SH3GL2: variants seen among roughly 807,000 people sequenced by gnomAD.
SH3GL2 encodes SH3 domain containing GRB2 like 2, endophilin A1.
Under a neutral mutation model 46.0 loss-of-function variants are expected in SH3GL2, and 24 were observed. The observed-to-expected ratio is 0.52, with a 90% CI of 0.38 to 0.73. The LOEUF (loss-of-function observed/expected upper bound fraction) is 0.73, where lower values mean the gene tolerates loss of function less well. Ranked by LOEUF, SH3GL2 falls within the 30% of genes least tolerant of loss-of-function variation. SH3GL2 has a pLI of 0.00. For synonymous variants in SH3GL2, 196 were observed against 147.1 expected, an observed-to-expected ratio of 1.33 and a Z score of -2.40; for missense variants, 413 against 424.2, an observed-to-expected ratio of 0.97 and a Z score of 0.23.
At chr9:17,729,289 C>A (rs1359641252) in intron 1 of SH3GL2, among the ~76,000 whole-genome samples, 2 of 148,834 alleles carry the variant, frequency 1.3e-5, no homozygotes, top group South Asian at 2.1e-4. Flanking sequence ...CTGTTTAAAT[C>A]CTTCGCCCAC....
intron 1 of SH3GL2, among the ~76,000 whole-genome samples, chr9:17,702,546 A>G (rs1312047407): frequency 1.3e-5 from 2 of 152,222 alleles, no homozygotes; most frequent in South Asian, 2.1e-4. Flanking sequence ...CCCAATTTCA[A>G]CCATTTCAAA....
intron 1 of SH3GL2, among the ~76,000 whole-genome samples, chr9:17,659,365 A>G (rs1173303331): frequency 6.6e-6 from 1 of 152,208 alleles, no homozygotes; most frequent in African/African-American, 2.4e-5. Flanking sequence ...GATGGCTGGC[A>G]GAGCCATTCC....
chr9:17,791,260 T>C lies in SH3GL2; in HGVS notation c.654T>C (p.Leu218=). ...DIEQVSQLSA[L]VQAQLEYHKQ... is the part of the protein sequence containing the mutation. ...AACAAGTGAGCCAGCTCTCTGCACT[T>C]GTGCAAGCTCAGCTGGAGTACCACA... The change falls in exon 7 of 9, where the codon CTT becomes CTC. Residue 218 remains leucine (L), a synonymous_variant. Coordinates refer to ENST00000380607, the MANE Select transcript of SH3GL2 (RefSeq NM_003026.5). 1 of 1,613,716 alleles carries C rather than the reference T, an allele frequency of 6.2e-7. No individual in the cohort carries two copies. Among genetic ancestry groups the C allele is most frequent in the Non-Finnish European group, 8.5e-7 (1 of 1,179,678 alleles).
chr9:17,585,142 G>A (rs941906229), intron 1 of SH3GL2, among the ~76,000 whole-genome samples: 3 of 151,914 alleles, frequency 2.0e-5, no homozygotes, highest in Non-Finnish European at 4.4e-5. Flanking sequence ...GCTGCATACA[G>A]AGTCTCAGGG....
chr9:17,583,232 C>CT (rs1185366038), intron 1 of SH3GL2, among the ~76,000 whole-genome samples: 1 of 152,094 alleles, frequency 6.6e-6, no homozygotes, highest in African/African-American at 2.4e-5. Flanking sequence ...ATACTTTCTC[C>CT]TTTTTTAATG....
intron 1 of SH3GL2, among the ~76,000 whole-genome samples, chr9:17,619,735 G>T (rs189057853): frequency 3.5e-4 from 54 of 152,152 alleles, no homozygotes; most frequent in African/African-American, 1.3e-3. Flanking sequence ...ACATTCTTTT[G>T]TTGTTGGGCA....
chr9:17,704,765 A>G (rs2118228048), intron 1 of SH3GL2, among the ~76,000 whole-genome samples: 1 of 152,146 alleles, frequency 6.6e-6, no homozygotes, highest in East Asian at 1.9e-4. Context: ...CCTTCCTTAC[A>G]TCATCTAAAA....
chr9:17,647,671 T>G (rs1432753558), intron 1 of SH3GL2, among the ~76,000 whole-genome samples: 1 of 152,304 alleles, frequency 6.6e-6, no homozygotes, highest in Non-Finnish European at 1.5e-5. Context: ...TGGTAGTAAT[T>G]ATTATGGCCA....
intron 1 of SH3GL2, among the ~76,000 whole-genome samples, chr9:17,685,478 A>G (rs1489973520): frequency 6.6e-6 from 1 of 152,124 alleles, no homozygotes; most frequent in Non-Finnish European, 1.5e-5. Flanking sequence ...ATAACTGGAT[A>G]CTATTGCCTA....
At chr9:17,756,648 C>T (rs1238679046) in intron 2 of SH3GL2, among the ~76,000 whole-genome samples, 1 of 152,046 alleles carries the variant, frequency 6.6e-6, no homozygotes, top group Non-Finnish European at 1.5e-5. Flanking sequence ...CTACAAAGGA[C>T]ATGAACTCAT....
At chr9:17,791,846 T>A (rs1588341288) in intron 7 of SH3GL2, among the ~76,000 whole-genome samples, 1 of 152,104 alleles carries the variant, frequency 6.6e-6, no homozygotes, top group Admixed American at 6.5e-5. Context: ...TGAATGGCGG[T>A]CAAGTCCTCT....
intron 3 of SH3GL2, among the ~76,000 whole-genome samples, chr9:17,778,055 T>C (rs551200522): frequency 2.6e-5 from 4 of 152,226 alleles, no homozygotes; most frequent in South Asian, 4.2e-4. Context: ...GTATACCTCT[T>C]GGTTAACATA....
At chr9:17,760,682 GATGC>G (rs1195960056) in intron 2 of SH3GL2, among the ~76,000 whole-genome samples, 2 of 152,074 alleles carry the variant, frequency 1.3e-5, no homozygotes, top group Non-Finnish European at 2.9e-5. Context: ...TGAATAGGAG[GATGC>G]ATTTATTCTC....
chr9:17,618,386 C>T (rs1819055042), intron 1 of SH3GL2, among the ~76,000 whole-genome samples: 1 of 152,172 alleles, frequency 6.6e-6, no homozygotes, highest in African/African-American at 2.4e-5. Flanking sequence ...TTTCTTCATA[C>T]ATGGAGAGGA....
chr9:17,654,869 CAT>C (rs2134673219), intron 1 of SH3GL2, among the ~76,000 whole-genome samples: 1 of 152,218 alleles, frequency 6.6e-6, no homozygotes, highest in East Asian at 1.9e-4. Flanking sequence ...CATCTGGTAA[CAT>C]GTAGACATTT....
Position 17,795,759 on chromosome 9 carries a change from G to C in SH3GL2, c.*16G>C, listed in dbSNP as rs368037468. The C allele has an allele frequency of 1.4e-5, 22 of 1,603,812 alleles. No homozygotes were observed. Among genetic ancestry groups the C allele is most frequent in the Non-Finnish European group, 1.9e-5 (22 of 1,171,922 alleles). On this transcript the variant is annotated 3_prime_UTR_variant, in exon 9 of 9. Transcript: ENST00000380607. The stretch of plus-strand genomic sequence containing the variant: ...GCCCCATTAGGATGTTATGCTGGCT[G>C]GCTCGCCTCCTCTTGACCCAGATAG...
chr9:17,752,842 C>G (rs978549647), intron 2 of SH3GL2, among the ~76,000 whole-genome samples: 1 of 152,058 alleles, frequency 6.6e-6, no homozygotes, highest in Non-Finnish European at 1.5e-5. Flanking sequence ...TTATTTTTCC[C>G]GATTGTCTCC....
intron 1 of SH3GL2, among the ~76,000 whole-genome samples, chr9:17,696,489 C>T (rs539245336): frequency 1.3e-5 from 2 of 152,268 alleles, no homozygotes; most frequent in East Asian, 3.9e-4. Flanking sequence ...TTAATTGACT[C>T]ACAGTTCCAC....
intron 1 of SH3GL2, among the ~76,000 whole-genome samples, chr9:17,602,920 C>A (rs1818696695): frequency 6.6e-6 from 1 of 152,200 alleles, no homozygotes. Context: ...TTAAAATCTT[C>A]CTCATTGTGG....
Sources: gnomAD v4.1 joint callset for allele counts (sites outside exome capture counted in the v4.1 genomes callset) on GRCh38, gnomAD v4.1.1 for gene constraint, MANE v1.5 for transcripts, NCBI Gene and HGNC (gene_info 2026-07-23, HGNC 2026-07-21) for gene names.